The following MAPRE2 variants were observed in gnomAD, a reference collection of about 807,000 sequenced individuals.
MAPRE2 encodes microtubule associated protein RP/EB family member 2, also known as microtubule-associated protein RP/EB family member 2.
MAPRE2 carries 13 observed loss-of-function variants against 43.2 expected under a neutral mutation model. The observed-to-expected ratio is 0.30, with a 90% confidence interval of 0.20 to 0.48. The LOEUF (loss-of-function observed/expected upper bound fraction) is 0.48, where lower values mean the gene tolerates loss of function less well. MAPRE2 is among the 20% of genes least tolerant of loss of function. The pLI is 0.99. For synonymous variants in MAPRE2, 135 were observed against 148.8 expected, an observed-to-expected ratio of 0.91 and a Z score of 0.68; for missense variants, 161 against 400.2, an observed-to-expected ratio of 0.40 and a Z score of 5.10.
chr18:35,005,211 T>G (rs867209371), intron 1 of MAPRE2, among the ~76,000 whole-genome samples: 1 of 152,046 alleles, frequency 6.6e-6, no homozygotes, highest in Non-Finnish European at 1.5e-5. Context: ...AAAGAAAAAA[T>G]ATTTTCATAG....
chr18:34,995,801 A>G (rs1379843563), intron 1 of MAPRE2, among the ~76,000 whole-genome samples: 2 of 152,180 alleles, frequency 1.3e-5, no homozygotes, highest in South Asian at 4.1e-4. Flanking sequence ...TCCTTTACCA[A>G]GCGCATGTTA....
At chr18:35,124,426 G>C (rs1909820540) in intron 4 of MAPRE2, among the ~76,000 whole-genome samples, 1 of 152,094 alleles carries the variant, frequency 6.6e-6, no homozygotes, top group African/African-American at 2.4e-5. Flanking sequence ...ATTTGGGTGG[G>C]GACACAGCCA....
chr18:35,143,069 A>AG lies in MAPRE2; in HGVS notation c.*2702dup, dbSNP rs1016108112. 5 of 98,794 alleles carry AG rather than the reference A, an allele frequency of 5.1e-5. No individual in the cohort carries two copies. The highest frequency in any genetic ancestry group is 3.8e-4 in the South Asian group (1 of 2,634). The allele number at this position is 98,794 out of a possible 1,614,324, so 6.1% of individuals were successfully genotyped here. On this transcript the variant is annotated 3_prime_UTR_variant, in exon 7 of 7. Transcript: ENST00000300249. ...CCATATTTGTTCTAAGCAGAAAAGCAGGAAAAAAAAAAAAAAAAAAGAAAG... is the reference window on the plus strand; with the variant it reads ...CCATATTTGTTCTAAGCAGAAAAGCAGGGAAAAAAAAAAAAAAAAAAGAAAG...
chr18:34,990,152 A>T (rs2097023039), intron 1 of MAPRE2, among the ~76,000 whole-genome samples: 1 of 152,192 alleles, frequency 6.6e-6, no homozygotes, highest in Non-Finnish European at 1.5e-5. Context: ...GCACTCAGAA[A>T]GGTTGCTCTC....
At chr18:35,087,495 TTTAAAAAA>T (rs1568998643) in intron 2 of MAPRE2, among the ~76,000 whole-genome samples, 1 of 152,206 alleles carries the variant, frequency 6.6e-6, no homozygotes, top group Non-Finnish European at 1.5e-5. Context: ...TTTGAGTGGC[TTTAAAAAA>T]TTTTATTTAT....
intron 3 of MAPRE2, 100 bp from the exon 4 acceptor site, chr18:35,101,846 C>A: frequency 1.2e-6 from 1 of 861,116 alleles, no homozygotes; most frequent in Non-Finnish European, 1.8e-6. Flanking sequence ...CTGCCACAAA[C>A]TTACAAGTGC....
At chr18:35,042,692 G>GCTAA (rs1448076474) in intron 1 of MAPRE2, among the ~76,000 whole-genome samples, 6 of 152,082 alleles carry the variant, frequency 3.9e-5, no homozygotes, top group Non-Finnish European at 8.8e-5. Flanking sequence ...CTTGATAAAC[G>GCTAA]CTAACAATGC....
chr18:35,073,259 T>C (rs1340267272), intron 2 of MAPRE2, among the ~76,000 whole-genome samples: 1 of 152,214 alleles, frequency 6.6e-6, no homozygotes, highest in Non-Finnish European at 1.5e-5. Context: ...CTTTTGTCTT[T>C]AGCATTTAGC....
chr18:35,009,105 C>G (rs943651224), intron 2 of MAPRE2, among the ~76,000 whole-genome samples: 1 of 152,032 alleles, frequency 6.6e-6, no homozygotes, highest in African/African-American at 2.4e-5. Flanking sequence ...TTTGACTTTA[C>G]TGGGGAACTA....
intron 4 of MAPRE2, 137 bp downstream of exon 4, chr18:35,102,296 G>T: frequency 1.6e-6 from 1 of 611,146 alleles, no homozygotes. Context: ...TTCTACTGTT[G>T]TCTGTTTCAC....
At chr18:34,999,178 A>T (rs1319105680) in intron 1 of MAPRE2, among the ~76,000 whole-genome samples, 2 of 152,198 alleles carry the variant, frequency 1.3e-5, no homozygotes, top group East Asian at 3.8e-4. Flanking sequence ...TATTAATTGC[A>T]CACATGAGGA....
At chr18:35,021,373 A>G (rs1281261872) in intron 2 of MAPRE2, among the ~76,000 whole-genome samples, 2 of 152,228 alleles carry the variant, frequency 1.3e-5, no homozygotes, top group African/African-American at 4.8e-5. Context: ...ACTTACAGAA[A>G]CATGAATGGG....
chr18:35,068,973 G>A (rs960724926), intron 1 of MAPRE2, among the ~76,000 whole-genome samples: 1 of 152,166 alleles, frequency 6.6e-6, no homozygotes, highest in Non-Finnish European at 1.5e-5. Context: ...TATTGATGGA[G>A]GATTAGGTGT....
At chr18:35,101,066 C>G (rs888323701) in intron 3 of MAPRE2, among the ~76,000 whole-genome samples, 7 of 152,118 alleles carry the variant, frequency 4.6e-5, no homozygotes, top group Non-Finnish European at 1.0e-4. Flanking sequence ...AAATAAAAAG[C>G]TTATCAGTCT....
intron 2 of MAPRE2, among the ~76,000 whole-genome samples, chr18:35,010,078 A>G (rs2097033729): frequency 6.6e-6 from 1 of 152,184 alleles, no homozygotes; most frequent in African/African-American, 2.4e-5. Context: ...CAATTTTTTA[A>G]TTTACAATTT....
At chr18:35,126,781 T>G (rs1480668322) in intron 4 of MAPRE2, among the ~76,000 whole-genome samples, 167 bp from the exon 5 acceptor site, 1 of 152,198 alleles carries the variant, frequency 6.6e-6, no homozygotes. Context: ...GTACTTTAAC[T>G]GTGTACACTC....
intron 2 of MAPRE2, among the ~76,000 whole-genome samples, chr18:35,005,785 C>A (rs2097031584): frequency 6.6e-6 from 1 of 152,014 alleles, no homozygotes; most frequent in Non-Finnish European, 1.5e-5. Context: ...AATGGTCAAG[C>A]CAATTAATTA....
chr18:35,021,668 A>T (rs273348), intron 2 of MAPRE2, among the ~76,000 whole-genome samples: 1 of 151,886 alleles, frequency 6.6e-6, no homozygotes, highest in South Asian at 2.1e-4. Flanking sequence ...TCAAAAATCA[A>T]TTGGACTTAG....
chr18:35,017,338 A>G (rs1426045478), intron 2 of MAPRE2, among the ~76,000 whole-genome samples: 1 of 141,290 alleles, frequency 7.1e-6, no homozygotes, highest in Middle Eastern at 3.7e-3. Context: ...TAGTTCTTTG[A>G]AAAAATGATG....
Sources: allele counts gnomAD v4.1 joint callset (sites outside exome capture counted in the v4.1 genomes callset), GRCh38; gene constraint gnomAD v4.1.1; transcripts MANE v1.5; gene names NCBI Gene and HGNC (gene_info 2026-07-23, HGNC 2026-07-21).